Variants in ZFHX3 observed in about 807,000 individuals in gnomAD.
ZFHX3 encodes the protein zinc finger homeobox protein 3.
ZFHX3 carries 42 observed loss-of-function variants against 279.1 expected under a neutral mutation model. The ratio of observed to expected loss-of-function variants is 0.15; its 90% confidence interval spans 0.12 to 0.19. The LOEUF (loss-of-function observed/expected upper bound fraction) is 0.19. Among genes scored for constraint, ZFHX3 ranks in the 10% least tolerant of loss-of-function variants. The pLI is 1.00. For synonymous variants in ZFHX3, 2,293 were observed against 1,957.8 expected, an observed-to-expected ratio of 1.17 and a Z score of -4.52; for missense variants, 4,981 against 4,754.0, an observed-to-expected ratio of 1.05 and a Z score of -1.40.
chr16:73,439,859 A>C (rs2018055799), intron 3 of ZFHX3, among the ~76,000 whole-genome samples: 1 of 148,742 alleles, frequency 6.7e-6, no homozygotes, highest in African/African-American at 2.5e-5. Flanking sequence ...AGGCTTGTAT[A>C]AAGAGGCCCC....
rs563866222 is a variant in ZFHX3 at position 73,445,350 on chromosome 16, G to T, written c.-1291+10653C>A. ...GGGGGGAGAGAGAGAGAGCATCCAT[G>T]GTTTTCCCAGTTTTATTGACCAAAA... is the stretch of plus-strand genomic sequence containing the variant. On this transcript the variant is annotated intron_variant, in intron 3 of 17. Transcript: ENST00000641206. 1.1e-4 allele frequency among the ~76,000 whole-genome samples: 16 copies of T among 151,418 alleles called. No homozygotes were observed. The South Asian group carries it at 3.1e-3, about 30-fold the overall frequency.
chr16:73,798,849 C>T (rs1346207634), intron 1 of ZFHX3, among the ~76,000 whole-genome samples: 3 of 152,160 alleles, frequency 2.0e-5, no homozygotes, highest in Non-Finnish European at 4.4e-5. Flanking sequence ...ATGAGCTTGT[C>T]CGTCCCTCCT....
chr16:73,068,632 G>A (rs1965785138), intron 8 of ZFHX3, among the ~76,000 whole-genome samples: 1 of 152,172 alleles, frequency 6.6e-6, no homozygotes, highest in South Asian at 2.1e-4. Flanking sequence ...TAAATTTTCT[G>A]ACTGTGTCTG....
At chr16:73,587,128 T>C (rs765150628) in intron 2 of ZFHX3, among the ~76,000 whole-genome samples, 2 of 152,102 alleles carry the variant, frequency 1.3e-5, no homozygotes, top group Non-Finnish European at 2.9e-5. Flanking sequence ...AAGAACTGGC[T>C]CTCAAAGGCC....
At chr16:73,111,705 GAAGA>G (rs1189860690) in intron 7 of ZFHX3, among the ~76,000 whole-genome samples, 8 of 150,858 alleles carry the variant, frequency 5.3e-5, no homozygotes, top group Non-Finnish European at 8.9e-5. Context: ...AGAGAGAAAG[GAAGA>G]AAGAAAGGAA....
intron 1 of ZFHX3, among the ~76,000 whole-genome samples, chr16:73,686,438 A>G (rs916853821): frequency 3.9e-5 from 6 of 152,210 alleles, no homozygotes; most frequent in African/African-American, 1.4e-4. Context: ...TTCCTGAAGT[A>G]TCATGAGTTG....
At chr16:73,150,846 T>A (rs537945941) in intron 5 of ZFHX3, among the ~76,000 whole-genome samples, 5 of 152,230 alleles carry the variant, frequency 3.3e-5, no homozygotes, top group Non-Finnish European at 7.3e-5. Context: ...TAAGTTGAAC[T>A]GGATTTCTTT....
At chr16:72,980,406 G>A (rs1203590383) in intron 1 of ZFHX3, among the ~76,000 whole-genome samples, 3 of 152,106 alleles carry the variant, frequency 2.0e-5, no homozygotes, top group African/African-American at 7.2e-5. Flanking sequence ...AATGTAAAAA[G>A]CCATTTTGGG....
intron 3 of ZFHX3, among the ~76,000 whole-genome samples, chr16:72,898,154 C>A (rs1200585639): frequency 6.6e-6 from 1 of 152,166 alleles, no homozygotes; most frequent in Non-Finnish European, 1.5e-5. Flanking sequence ...CTGTTCAATG[C>A]TGGCTTTTTA....
chr16:73,748,324 A>G (rs892691703), intron 1 of ZFHX3, among the ~76,000 whole-genome samples: 1 of 152,200 alleles, frequency 6.6e-6, no homozygotes, highest in Non-Finnish European at 1.5e-5. Flanking sequence ...GATTGCCTCC[A>G]TCTACCATAA....
Position 72,793,829 on chromosome 16 carries a change from A to G in ZFHX3, c.8853T>C (p.Thr2951=). 1 of 1,614,166 alleles carries G rather than the reference A, an allele frequency of 6.2e-7. No individual in the cohort carries two copies. Among genetic ancestry groups the G allele is most frequent in the South Asian group, 1.1e-5 (1 of 91,074 alleles). The change falls in exon 9 of 10, where the codon ACT becomes ACC. Residue 2951 remains threonine (T), a synonymous_variant. Transcript: ENST00000268489. The surrounding 1 kb of genome is among the most constrained non-coding windows in gnomAD (Gnocchi z 4.3). The part of the protein sequence containing the change: ...GDRPGQKRFR[T]QMTNLQLKVL... ...CCTTCAGCTGCAGATTGGTCATTTGAGTGCGAAAACGTTTCTGCCCAGGCC... is the reference window on the plus strand; with the variant it reads ...CCTTCAGCTGCAGATTGGTCATTTGGGTGCGAAAACGTTTCTGCCCAGGCC...
chr16:72,991,092 C>CTG (rs1555538013), intron 1 of ZFHX3, among the ~76,000 whole-genome samples: 7 of 151,996 alleles, frequency 4.6e-5, no homozygotes, highest in Middle Eastern at 6.8e-3. Context: ...TATAGCAGTC[C>CTG]CTTATCCGAG....
chr16:72,900,191 G>A (rs1461124932), intron 3 of ZFHX3, among the ~76,000 whole-genome samples: 1 of 151,702 alleles, frequency 6.6e-6, no homozygotes, highest in East Asian at 1.9e-4. Context: ...GCCCATCAGG[G>A]CACCAATGTA....
Position 73,219,251 on chromosome 16 carries a change from T to A in ZFHX3, c.-1104+37796A>T, listed in dbSNP as rs865862501. ...TTGCTTCTCCTTATGGCAACCAAAA[T>A]TCACAGAAACAGCATACAGACCTAT... is the stretch of plus-strand genomic sequence containing the variant. On this transcript the variant is annotated intron_variant, in intron 5 of 17. Coordinates refer to the ZFHX3 transcript ENST00000641206. Among the ~76,000 whole-genome samples the A allele has an allele frequency of 1.9e-4, 29 of 152,322 alleles. 1 individual carries two copies. Among genetic ancestry groups the A allele is most frequent in the Admixed American group, 5.2e-4 (8 of 15,304 alleles).
At chr16:72,844,930 T>A (rs2037440231) in intron 4 of ZFHX3, among the ~76,000 whole-genome samples, 1 of 150,718 alleles carries the variant, frequency 6.6e-6, no homozygotes, top group East Asian at 2.0e-4. Context: ...GTAGTAACAG[T>A]GCTCCCCTTC....
At chr16:73,219,779 A>G (rs1033319700) in intron 5 of ZFHX3, among the ~76,000 whole-genome samples, 2 of 152,138 alleles carry the variant, frequency 1.3e-5, no homozygotes, top group East Asian at 1.9e-4. Flanking sequence ...ACTGGGCAAG[A>G]CTTCTTTTGA....
chr16:72,972,942 T>C (rs1962171662), intron 1 of ZFHX3, among the ~76,000 whole-genome samples: 1 of 152,200 alleles, frequency 6.6e-6, no homozygotes, highest in African/African-American at 2.4e-5. Flanking sequence ...CCTGTTCTCC[T>C]GTAGGTATTT....
chr16:73,196,333 C>T lies in ZFHX3; in HGVS notation c.-1103-52502G>A, dbSNP rs753539887. Among the ~76,000 whole-genome samples the T allele has an allele frequency of 4.6e-5, 7 of 151,868 alleles. No individual in the cohort carries two copies. The South Asian group carries it at 6.2e-4, about 14-fold the overall frequency. ...TTTCCTCAAGACTGCAATAGGAGTG[C>T]GCAGAAATCATATCACAGTGAGCTT... On this transcript the variant is annotated intron_variant, in intron 5 of 17. Coordinates refer to the ZFHX3 transcript ENST00000641206.
At chr16:73,392,080 T>C (rs946714729) in intron 3 of ZFHX3, among the ~76,000 whole-genome samples, 1 of 152,100 alleles carries the variant, frequency 6.6e-6, no homozygotes, top group Non-Finnish European at 1.5e-5. Flanking sequence ...GCCCTCATTT[T>C]TCACAGTGGG....
Sources: gnomAD v4.1 joint callset for allele counts (sites outside exome capture counted in the v4.1 genomes callset) on GRCh38, gnomAD v4.1.1 for gene constraint, Gnocchi (gnomAD v3.1) non-coding constraint, MANE v1.5 for transcripts, NCBI Gene and HGNC (gene_info 2026-07-23, HGNC 2026-07-21) for gene names.